The following ALDH1A2 variants were observed in gnomAD, a reference collection of about 807,000 sequenced individuals.
The protein encoded by ALDH1A2 is aldehyde dehydrogenase 1 family member A2.
In ALDH1A2, 27 loss-of-function variants were observed where a neutral mutation model predicts 60.3. The ratio of observed to expected loss-of-function variants is 0.45; its 90% CI spans 0.33 to 0.62. The LOEUF is 0.62. ALDH1A2 is among the 20% of genes least tolerant of loss of function. The pLI is 0.02. For missense variants in ALDH1A2, 581 were observed against 643.8 expected (o/e 0.90, Z 1.06); for synonymous variants, 289 against 232.4 (o/e 1.24, Z -2.21).
chr15:58,053,990 C>T (rs893976525), intron 1 of ALDH1A2, among the ~76,000 whole-genome samples: 2 of 152,124 alleles, frequency 1.3e-5, no homozygotes, highest in Admixed American at 6.5e-5. Context: ...CCAATTCAAT[C>T]CATTAAGTAA....
intron 1 of ALDH1A2, among the ~76,000 whole-genome samples, chr15:58,059,226 G>T (rs1896964674): frequency 6.6e-6 from 1 of 152,156 alleles, no homozygotes; most frequent in South Asian, 2.1e-4. Flanking sequence ...ATTAACCCAG[G>T]TGACATTACA....
chr15:58,034,798 G>T (rs1284264365), intron 1 of ALDH1A2, among the ~76,000 whole-genome samples: 1 of 151,562 alleles, frequency 6.6e-6, no homozygotes, highest in Admixed American at 6.6e-5. Flanking sequence ...TGCCAAATCA[G>T]CCTTGTATGC....
intron 3 of ALDH1A2, 47 bp from the exon 4 acceptor site, chr15:58,010,825 G>C (rs1895612126): frequency 6.2e-7 from 1 of 1,607,810 alleles, no homozygotes; most frequent in Admixed American, 1.7e-5. Flanking sequence ...GAACTTTCCA[G>C]CGATACACTA....
chr15:58,065,458 C>T lies in ALDH1A2; in HGVS notation c.117+76G>A. ...CCCGGCCCCGTCCCGCAGCCCTCAC[C>T]CGCTGAAGAGATCGGGGAAACCGAA... On this transcript the variant is annotated intron_variant, in intron 1 of 12. Transcript: ENST00000249750. 4 of 1,297,302 alleles carry T rather than the reference C, an allele frequency of 3.1e-6. No homozygotes were observed. In the South Asian group the frequency reaches 3.5e-5, roughly 11 times the overall value. The allele number at this position is 1,297,302 out of a possible 1,614,324, so 80.4% of individuals were successfully genotyped here.
intron 1 of ALDH1A2, among the ~76,000 whole-genome samples, chr15:58,025,758 A>C (rs1896062717): frequency 6.6e-6 from 1 of 152,220 alleles, no homozygotes; most frequent in Non-Finnish European, 1.5e-5. Context: ...ATCTGCTCTT[A>C]GTGAGGCCAC....
chr15:58,019,713 T>C lies in ALDH1A2; in HGVS notation c.118-5432A>G, dbSNP rs191926910. On this transcript the variant is annotated intron_variant, in intron 1 of 12. Coordinates refer to ENST00000249750, the MANE Select transcript of ALDH1A2 (RefSeq NM_003888.4). ...GGACTAACTGTCCACTGACATATTA[T>C]AGGTTGTTGTTGGTTTTAAAAAGAC... is the stretch of plus-strand genomic sequence containing the variant. Among the ~76,000 whole-genome samples, 261 of 152,284 alleles carry C rather than the reference T, an allele frequency of 1.7e-3. 1 individual carries two copies. The highest frequency in any genetic ancestry group is 0.011 in the Admixed American group (169 of 15,290).
intron 4 of ALDH1A2, among the ~76,000 whole-genome samples, chr15:58,002,503 G>T (rs765630993): frequency 1.3e-5 from 2 of 151,830 alleles, no homozygotes; most frequent in African/African-American, 4.8e-5. Flanking sequence ...AAAATATCTC[G>T]CATTGGCACA....
chr15:57,961,571 C>A (rs1399408871), intron 10 of ALDH1A2, among the ~76,000 whole-genome samples: 2 of 152,176 alleles, frequency 1.3e-5, no homozygotes, highest in Non-Finnish European at 2.9e-5. Flanking sequence ...GAGCAAGTGG[C>A]ATCCTCCGTG....
intron 1 of ALDH1A2, among the ~76,000 whole-genome samples, chr15:58,030,771 TC>T (rs745555821): frequency 5.3e-5 from 8 of 152,000 alleles, no homozygotes. Flanking sequence ...TTAGTGAACT[TC>T]CATTCATAAT....
intron 1 of ALDH1A2, chr15:58,058,201 C>G: frequency 1.3e-6 from 1 of 763,078 alleles, no homozygotes; most frequent in Non-Finnish European, 2.1e-6. Flanking sequence ...CTCCTCCTTC[C>G]CACCTGAAAT....
At chr15:58,036,221 C>A (rs1236555726) in intron 1 of ALDH1A2, among the ~76,000 whole-genome samples, 2 of 151,444 alleles carry the variant, frequency 1.3e-5, no homozygotes, top group Admixed American at 1.3e-4. Flanking sequence ...AGCACAAAGT[C>A]CCAGGATACA....
intron 11 of ALDH1A2, 34 bp downstream of exon 11, chr15:57,961,103 G>A: frequency 3.7e-6 from 6 of 1,612,180 alleles, no homozygotes; most frequent in Non-Finnish European, 5.1e-6. Flanking sequence ...TATACCACCA[G>A]TGGAATTTGT....
chr15:57,979,355 G>A (rs575448204), intron 7 of ALDH1A2, among the ~76,000 whole-genome samples: 55 of 152,222 alleles, frequency 3.6e-4, no homozygotes, highest in African/African-American at 1.2e-3. Context: ...CAAACTGATC[G>A]GCTGACAAAA....
At chr15:58,040,135 G>A (rs1174387069) in intron 1 of ALDH1A2, among the ~76,000 whole-genome samples, 1 of 151,882 alleles carries the variant, frequency 6.6e-6, no homozygotes. Flanking sequence ...GAGGCAATTT[G>A]TGTGTCTTAA....
intron 7 of ALDH1A2, among the ~76,000 whole-genome samples, chr15:57,968,045 C>G (rs1893950915): frequency 6.6e-6 from 1 of 152,108 alleles, no homozygotes; most frequent in Non-Finnish European, 1.5e-5. Context: ...GAGGGGTGTT[C>G]CCTGAGGATG....
At chr15:57,976,810 T>C (rs1894275075) in intron 7 of ALDH1A2, among the ~76,000 whole-genome samples, 1 of 152,208 alleles carries the variant, frequency 6.6e-6, no homozygotes, top group Admixed American at 6.5e-5. Flanking sequence ...AAATGGTATT[T>C]CTAGTTCTAG....
chr15:58,030,669 T>C (rs760731111), intron 1 of ALDH1A2, among the ~76,000 whole-genome samples: 2 of 151,054 alleles, frequency 1.3e-5, no homozygotes, highest in South Asian at 2.1e-4. Context: ...ATCTCCTTAA[T>C]AGGCAACTTC....
intron 3 of ALDH1A2, 110 bp downstream of exon 3, chr15:58,013,748 T>A: frequency 7.0e-7 from 1 of 1,418,730 alleles, no homozygotes; most frequent in Non-Finnish European, 9.4e-7. Context: ...CTAGACTCCG[T>A]CTCAAAAAAT....
intron 1 of ALDH1A2, among the ~76,000 whole-genome samples, chr15:58,016,837 G>C (rs1294454155): frequency 6.6e-6 from 1 of 152,208 alleles, no homozygotes; most frequent in Non-Finnish European, 1.5e-5. Flanking sequence ...ATTGTGTTGT[G>C]TAATACATCT....
Sources: gnomAD v4.1 joint callset for allele counts (sites outside exome capture counted in the v4.1 genomes callset) on GRCh38, gnomAD v4.1.1 for gene constraint, MANE v1.5 for transcripts, NCBI Gene and HGNC (gene_info 2026-07-23, HGNC 2026-07-21) for gene names.